Variants in TOMM7 observed in about 807,000 individuals in gnomAD.
TOMM7 encodes translocase of outer mitochondrial membrane 7.
Under a neutral mutation model 9.5 loss-of-function variants are expected in TOMM7, and 8 were observed. The observed-to-expected ratio is 0.84, with a 90% CI of 0.49 to 1.51. The LOEUF is 1.51. TOMM7 is among the 40% of genes most tolerant of loss of function. The pLI, the probability that TOMM7 is intolerant of heterozygous loss-of-function variation, is 0.00. For missense variants in TOMM7, 74 were observed against 63.7 expected, an observed-to-expected ratio of 1.16 and a Z score of -0.55; for synonymous variants, 27 against 21.4, an observed-to-expected ratio of 1.26 and a Z score of -0.72.
In TOMM7 at chr7:22,817,981, T is replaced by G. The variant is rs771386612; in HGVS notation, c.152+19A>C. Reference sequence around the variant, plus strand: ...TGTATGAACATTTGTCCTGAAATGTTTAGTTTTAAGAGCAGTACCTCAAAA... The same window carrying G: ...TGTATGAACATTTGTCCTGAAATGTGTAGTTTTAAGAGCAGTACCTCAAAA... On this transcript the variant is annotated intron_variant, in intron 2 of 2. Transcript: ENST00000358435. The G allele has an allele frequency of 6.2e-7, 1 of 1,611,816 alleles. No homozygotes were observed. Among genetic ancestry groups the G allele is most frequent in the Admixed American group, 1.7e-5 (1 of 60,010 alleles).
At chr7:22,820,104 G>T (rs1782367599) in intron 1 of TOMM7, among the ~76,000 whole-genome samples, 1 of 152,298 alleles carries the variant, frequency 6.6e-6, no homozygotes, top group South Asian at 2.1e-4. Flanking sequence ...GGGAGGCCAA[G>T]ATCGAAGATC....
rs573726820 is a variant in TOMM7, at chr7:22,818,609, C to T, written c.104-561G>A. On this transcript the variant is annotated intron_variant, in intron 1 of 2. Transcript: ENST00000358435. The stretch of plus-strand genomic sequence containing the variant: ...AACAAACAACTTTTTCAGTGAGCCA[C>T]TGCACACGGCCATTATTCCTATTAT... Among the ~76,000 whole-genome samples, 144 of 152,260 alleles carry T rather than the reference C, an allele frequency of 9.5e-4. 1 individual carries two copies. The highest frequency in any genetic ancestry group is 3.4e-3 in the African/African-American group (143 of 41,550).
At position 22,818,631 on chromosome 7, in the gene TOMM7, T is replaced by C. The variant is rs114403729; in HGVS notation, c.104-583A>G. On this transcript the variant is annotated intron_variant, in intron 1 of 2. Coordinates refer to ENST00000358435, the MANE Select transcript of TOMM7 (RefSeq NM_019059.5). Reference sequence around the variant, plus strand: ...CCACTGCACACGGCCATTATTCCTATTATATACACAATTGGCACAGTTGCC... The same window carrying C: ...CCACTGCACACGGCCATTATTCCTACTATATACACAATTGGCACAGTTGCC... 4.2e-3 allele frequency among the ~76,000 whole-genome samples: 638 copies of C among 152,188 alleles called. 7 individuals are homozygous for C. The highest frequency in any genetic ancestry group is 0.015 in the African/African-American group (604 of 41,516).
chr7:22,822,288 G>A (rs1193401983), intron 1 of TOMM7: 2 of 1,547,778 alleles, frequency 1.3e-6, no homozygotes, highest in Non-Finnish European at 1.7e-6. Flanking sequence ...TCGATTCCCT[G>A]AACAGGACTC....
At position 22,813,199 on chromosome 7, in the gene TOMM7, G is replaced by T; in HGVS notation, c.153-14C>A. 6.2e-7 allele frequency: 1 copy of T among 1,608,592 alleles called. No homozygotes were observed. The highest frequency in any genetic ancestry group is 8.5e-7 in the Non-Finnish European group (1 of 1,177,822). ...CCCCAAAGTAGGCTAAAATGTTTGT[G>T]AAGAGAAGAAAGAAATTAAATTCCG... On this transcript the variant is annotated splice_polypyrimidine_tract_variant and intron_variant, in intron 2 of 2. Coordinates refer to ENST00000358435, the MANE Select transcript of TOMM7 (RefSeq NM_019059.5).
intron 2 of TOMM7, among the ~76,000 whole-genome samples, chr7:22,814,432 C>T (rs1782291206): frequency 6.6e-6 from 1 of 150,600 alleles, no homozygotes. Context: ...GGTGGGAGGA[C>T]CACCTGAGCT....
intron 1 of TOMM7, among the ~76,000 whole-genome samples, chr7:22,821,426 AAAAG>A: frequency 6.7e-6 from 1 of 148,746 alleles, no homozygotes; most frequent in Non-Finnish European, 1.5e-5. Flanking sequence ...AAAAAAAAGA[AAAAG>A]AAAAAACTAC....
At chr7:22,815,454 G>A (rs1033794683) in intron 2 of TOMM7, among the ~76,000 whole-genome samples, 1 of 151,620 alleles carries the variant, frequency 6.6e-6, no homozygotes, top group Non-Finnish European at 1.5e-5. Context: ...CTAGCACATT[G>A]GGAGGCCCAG....
chr7:22,817,485 C>G, intron 2 of TOMM7: 1 of 236,020 alleles, frequency 4.2e-6, no homozygotes, highest in Non-Finnish European at 9.1e-6. Context: ...TCAAGCAATC[C>G]TCCCATGATC....
chr7:22,813,193 GT>G lies in TOMM7; in HGVS notation c.153-9del. 1.2e-6 allele frequency: 2 copies of G among 1,611,094 alleles called. No homozygotes were observed. The highest frequency in any genetic ancestry group is 1.7e-6 in the Non-Finnish European group (2 of 1,178,858). ...CTTTATCCCCAAAGTAGGCTAAAAT[GT>G]TTGTGAAGAGAAGAAAGAAATTAAA... On this transcript the variant is annotated splice_polypyrimidine_tract_variant and intron_variant, in intron 2 of 2. Coordinates refer to ENST00000358435, the MANE Select transcript of TOMM7 (RefSeq NM_019059.5).
intron 1 of TOMM7, among the ~76,000 whole-genome samples, chr7:22,818,753 T>C (rs532978972): frequency 8.2e-4 from 125 of 152,254 alleles, no homozygotes; most frequent in Admixed American, 4.2e-3. Context: ...AAGAGCAAAA[T>C]GATTTTTGGA....
At chr7:22,818,825 C>G (rs1362889597) in intron 1 of TOMM7, among the ~76,000 whole-genome samples, 2 of 151,844 alleles carry the variant, frequency 1.3e-5, no homozygotes, top group Non-Finnish European at 2.9e-5. Flanking sequence ...CAGTTCAAGG[C>G]TGGTCTTGAA....
At chr7:22,813,792 A>G (rs1782280379) in intron 2 of TOMM7, among the ~76,000 whole-genome samples, 3 of 149,920 alleles carry the variant, frequency 2.0e-5, no homozygotes, top group Admixed American at 6.7e-5. Context: ...CTCCCAAATC[A>G]TTTGCTGACT....
At position 22,822,655 on chromosome 7, in the gene TOMM7, TC is replaced by T. The variant is rs754891910; in HGVS notation, c.103+21del. 12 of 1,600,268 alleles carry T rather than the reference TC, an allele frequency of 7.5e-6. No individual in the cohort carries two copies. The African/African-American group carries it at 8.0e-5, about 11-fold the overall frequency. ...GCCACCCTCTTCCCTCCAGTCACTT[TC>T]CCGGTTCTTCTCCCACTGACCCAGG... is the stretch of plus-strand genomic sequence containing the variant. On this transcript the variant is annotated intron_variant, in intron 1 of 2. Transcript: ENST00000358435.
chr7:22,819,896 A>C (rs2128182625), intron 1 of TOMM7, among the ~76,000 whole-genome samples: 1 of 152,346 alleles, frequency 6.6e-6, no homozygotes, highest in South Asian at 2.1e-4. Flanking sequence ...ATGTCCAGAC[A>C]GATTCTCTAT....
At chr7:22,819,314 A>T (rs1488646532) in intron 1 of TOMM7, among the ~76,000 whole-genome samples, 1 of 152,240 alleles carries the variant, frequency 6.6e-6, no homozygotes, top group Non-Finnish European at 1.5e-5. Context: ...AGACCATTAA[A>T]ATAAATAAAA....
At chr7:22,818,850 T>A (rs1401950966) in intron 1 of TOMM7, among the ~76,000 whole-genome samples, 1 of 149,148 alleles carries the variant, frequency 6.7e-6, no homozygotes, top group East Asian at 2.0e-4. Context: ...TGGGCTCAAG[T>A]GATCAGCCTC....
intron 2 of TOMM7, among the ~76,000 whole-genome samples, chr7:22,815,708 T>C (rs1414293855): frequency 6.6e-6 from 1 of 152,050 alleles, no homozygotes; most frequent in Non-Finnish European, 1.5e-5. Context: ...TGGGGCTGGG[T>C]GCAGTGGCCC....
chr7:22,814,506 A>G (rs1782292134), intron 2 of TOMM7, among the ~76,000 whole-genome samples: 1 of 152,102 alleles, frequency 6.6e-6, no homozygotes, highest in South Asian at 2.1e-4. Flanking sequence ...GTGACAGAAA[A>G]AAACACACAA....
Sources: allele counts gnomAD v4.1 joint callset (sites outside exome capture counted in the v4.1 genomes callset), GRCh38; gene constraint gnomAD v4.1.1; transcripts MANE v1.5; gene names NCBI Gene and HGNC (gene_info 2026-07-23, HGNC 2026-07-21).